NAF1: variants seen among roughly 807,000 people sequenced by gnomAD.
The protein encoded by NAF1 is nuclear assembly factor 1 ribonucleoprotein, also known as H/ACA ribonucleoprotein complex non-core subunit NAF1.
In NAF1, 11 loss-of-function variants were observed where a neutral mutation model predicts 40.6. The ratio of observed to expected loss-of-function variants is 0.27; its 90% CI spans 0.17 to 0.45. The LOEUF is 0.45. NAF1 is among the 20% of genes least tolerant of loss of function. The pLI, the probability that NAF1 is intolerant of heterozygous loss-of-function variation, is 1.00. For missense variants in NAF1, 607 were observed against 611.1 expected, an observed-to-expected ratio of 0.99 and a Z score of 0.07; for synonymous variants, 260 against 228.5, an observed-to-expected ratio of 1.14 and a Z score of -1.24.
intron 2 of NAF1, among the ~76,000 whole-genome samples, chr4:163,115,363 C>G (rs559913739): frequency 1.3e-5 from 2 of 151,846 alleles, no homozygotes; most frequent in Admixed American, 1.3e-4. Context: ...CGCCCACCAC[C>G]GCGCCAGGCT....
At chr4:163,117,458 A>G (rs1314930412) in intron 2 of NAF1, 4 of 152,162 alleles carry the variant, frequency 2.6e-5, no homozygotes. Flanking sequence ...CGGAAATATT[A>G]ACAGCAACTT....
chr4:163,107,092 T>C (rs1417262659), downstream of NAF1, among the ~76,000 whole-genome samples: 1 of 152,102 alleles, frequency 6.6e-6, no homozygotes, highest in Non-Finnish European at 1.5e-5. Context: ...GTTCAAGTGA[T>C]TCTCCTGCCT....
chr4:163,129,621 T>G (rs1377660765), intron 7 of NAF1, among the ~76,000 whole-genome samples: 1 of 152,096 alleles, frequency 6.6e-6, no homozygotes, highest in Non-Finnish European at 1.5e-5. Flanking sequence ...CCCTACACAC[T>G]CTCAAAGGCT....
chr4:163,143,736 A>T (rs933633146), intron 4 of NAF1, among the ~76,000 whole-genome samples: 1 of 152,214 alleles, frequency 6.6e-6, no homozygotes, highest in Non-Finnish European at 1.5e-5. Flanking sequence ...ACCTGGGAAC[A>T]GCCTTCAAAC....
rs531067284 is a variant in NAF1 at position 163,139,453 on chromosome 4, T to C, written c.878+770A>G. 3.3e-5 allele frequency among the ~76,000 whole-genome samples: 5 copies of C among 152,194 alleles called. No individual in the cohort carries two copies. The East Asian group carries it at 7.7e-4, about 23-fold the overall frequency. ...TCATTCGAAAGCATTCAAGTTATTTTTATTAAAAAAAAATCTTAAATTCAT... is the reference window on the plus strand; with the variant it reads ...TCATTCGAAAGCATTCAAGTTATTTCTATTAAAAAAAAATCTTAAATTCAT... On this transcript the variant is annotated intron_variant, in intron 5 of 7. Coordinates refer to ENST00000274054, the MANE Select transcript of NAF1 (RefSeq NM_138386.3).
chr4:163,148,957 TA>T (rs988789353), intron 2 of NAF1, among the ~76,000 whole-genome samples: 14 of 152,148 alleles, frequency 9.2e-5, no homozygotes, highest in Admixed American at 3.3e-4. Flanking sequence ...AAATGACACC[TA>T]TCAGTGAAAC....
At chr4:163,123,145 A>C (rs1730560953), downstream of NAF1, among the ~76,000 whole-genome samples, 1 of 152,208 alleles carries the variant, frequency 6.6e-6, no homozygotes. Flanking sequence ...GCTTTCAATC[A>C]CAGGGAAGGT....
At chr4:163,154,944 C>T (rs1043283123) in intron 2 of NAF1, among the ~76,000 whole-genome samples, 2 of 150,826 alleles carry the variant, frequency 1.3e-5, no homozygotes, top group African/African-American at 2.4e-5. Flanking sequence ...ATAACTCAAA[C>T]GCCAACAGGA....
chr4:163,117,735 C>T (rs575344560), intron 2 of NAF1, among the ~76,000 whole-genome samples: 2 of 132,550 alleles, frequency 1.5e-5, no homozygotes, highest in South Asian at 4.7e-4. Context: ...ATACATCATC[C>T]ATTATTCGTT....
intron 5 of NAF1, among the ~76,000 whole-genome samples, chr4:163,140,017 C>T (rs533764067): frequency 6.6e-6 from 1 of 152,060 alleles, no homozygotes; most frequent in African/African-American, 2.4e-5. Context: ...CTCTTAATGG[C>T]TGATCATCTC....
intron 2 of NAF1, among the ~76,000 whole-genome samples, chr4:163,110,551 ACT>A (rs1730130246): frequency 6.6e-6 from 1 of 152,138 alleles, no homozygotes; most frequent in African/African-American, 2.4e-5. Context: ...AGGGGGAGCT[ACT>A]GTATCATCAT....
intron 2 of NAF1, among the ~76,000 whole-genome samples, chr4:163,156,555 G>A (rs1434377755): frequency 1.3e-5 from 2 of 152,034 alleles, no homozygotes; most frequent in Non-Finnish European, 2.9e-5. Flanking sequence ...CACATTTCAA[G>A]TAAGACAGCA....
chr4:163,159,739 G>A (rs1180568277), intron 2 of NAF1, among the ~76,000 whole-genome samples: 1 of 152,050 alleles, frequency 6.6e-6, no homozygotes, highest in Non-Finnish European at 1.5e-5. Context: ...ACCAAAGTAT[G>A]ACAGCTAAAT....
At chr4:163,150,703 C>T (rs528921643) in intron 2 of NAF1, among the ~76,000 whole-genome samples, 1 of 152,030 alleles carries the variant, frequency 6.6e-6, no homozygotes, top group South Asian at 2.1e-4. Context: ...TATATCTGCC[C>T]TTTCAAAACT....
intron 4 of NAF1, chr4:163,141,847 G>T (rs1478507257): frequency 4.8e-6 from 3 of 621,754 alleles, no homozygotes; most frequent in Non-Finnish European, 4.0e-6. Flanking sequence ...CTTGATTTTT[G>T]ATAGTAAATG....
chr4:163,141,124 A>T (rs981110400), intron 4 of NAF1, among the ~76,000 whole-genome samples: 2 of 152,128 alleles, frequency 1.3e-5, no homozygotes, highest in Non-Finnish European at 2.9e-5. Flanking sequence ...CCAGCACTTT[A>T]GGAGGTGAGG....
chr4:163,104,612 G>A, the NAF1 span, among the ~76,000 whole-genome samples: 1 of 152,092 alleles, frequency 6.6e-6, no homozygotes, highest in African/African-American at 2.4e-5. Context: ...ATCAAGAATA[G>A]ATATTTATAT....
At chr4:163,156,133 T>C (rs1264667797) in intron 2 of NAF1, among the ~76,000 whole-genome samples, 1 of 118,038 alleles carries the variant, frequency 8.5e-6, no homozygotes, top group Non-Finnish European at 1.8e-5. Flanking sequence ...TACTCAATAT[T>C]AGATACAAAT....
the NAF1 span, among the ~76,000 whole-genome samples, chr4:163,104,376 G>T: frequency 1.3e-5 from 2 of 151,968 alleles, no homozygotes; most frequent in Non-Finnish European, 2.9e-5. Context: ...GGTGTACTTC[G>T]CAATTCATAA....
Sources: gnomAD v4.1 joint callset for allele counts (sites outside exome capture counted in the v4.1 genomes callset) on GRCh38, gnomAD v4.1.1 for gene constraint, MANE v1.5 for transcripts, NCBI Gene and HGNC (gene_info 2026-07-23, HGNC 2026-07-21) for gene names.